The following RAPGEF6 variants were observed in gnomAD, a reference collection of about 807,000 sequenced individuals.
RAPGEF6 encodes the protein Rap guanine nucleotide exchange factor 6.
In RAPGEF6, 56 loss-of-function variants were observed where a neutral mutation model predicts 171.4. That is an observed-to-expected ratio of 0.33 (90% CI 0.26 to 0.41). The LOEUF (loss-of-function observed/expected upper bound fraction) is 0.41. Ranked by LOEUF, RAPGEF6 falls within the 10% of genes least tolerant of loss-of-function variation. RAPGEF6 has a pLI of 1.00. For synonymous variants in RAPGEF6, 692 were observed against 650.1 expected (o/e 1.06, Z -0.98); for missense variants, 1,674 against 1,921.4 (o/e 0.87, Z 2.41).
chr5:131,604,096 C>T (rs1764406380), intron 2 of RAPGEF6, among the ~76,000 whole-genome samples: 1 of 152,014 alleles, frequency 6.6e-6, no homozygotes, highest in Admixed American at 6.6e-5. Flanking sequence ...GTTTTCTCCA[C>T]AGGAGCTTAG....
At chr5:131,580,130 T>TG (rs34221007) in intron 4 of RAPGEF6, among the ~76,000 whole-genome samples, 3 of 151,996 alleles carry the variant, frequency 2.0e-5, no homozygotes, top group Non-Finnish European at 2.9e-5. Flanking sequence ...GAGCCCACTG[T>TG]GGGGGGGGGC....
rs74539524 is a variant in RAPGEF6 at position 131,565,127 on chromosome 5, A to T, written c.282-3080T>A. On this transcript the variant is annotated intron_variant, in intron 4 of 27. Transcript: ENST00000509018. ...TAGAACTACTGTTTATATAAAGTGA[A>T]TTCACTGTATATAAAGTGAATCCTA... Among the ~76,000 whole-genome samples the T allele has an allele frequency of 2.0e-5, 3 of 152,302 alleles. No individual in the cohort carries two copies. In the East Asian group the frequency reaches 5.8e-4, roughly 29 times the overall value.
At chr5:131,619,913 G>A (rs1765502967) in intron 1 of RAPGEF6, among the ~76,000 whole-genome samples, 1 of 152,154 alleles carries the variant, frequency 6.6e-6, no homozygotes, top group African/African-American at 2.4e-5. Flanking sequence ...TAATCTCTCT[G>A]TGATTCAATT....
chr5:131,497,106 T>A (rs542523085), intron 12 of RAPGEF6, among the ~76,000 whole-genome samples: 2 of 152,320 alleles, frequency 1.3e-5, no homozygotes, highest in East Asian at 3.9e-4. Flanking sequence ...AGGTTATGAC[T>A]GCATATCTCT....
chr5:131,613,367 G>C (rs1203878431), intron 1 of RAPGEF6, among the ~76,000 whole-genome samples: 1 of 152,058 alleles, frequency 6.6e-6, no homozygotes, highest in East Asian at 1.9e-4. Context: ...CTGAGATTGC[G>C]CCACTGCACT....
chr5:131,474,606 G>C (rs1385977620), intron 16 of RAPGEF6, among the ~76,000 whole-genome samples: 1 of 152,074 alleles, frequency 6.6e-6, no homozygotes, highest in African/African-American at 2.4e-5. Context: ...TAATTTGACA[G>C]ATAAAGCAAA....
intron 16 of RAPGEF6, among the ~76,000 whole-genome samples, chr5:131,477,397 C>G (rs1192242462): frequency 6.6e-6 from 1 of 152,138 alleles, no homozygotes; most frequent in African/African-American, 2.4e-5. Context: ...TATTCATAAC[C>G]AAGCATTTTC....
At chr5:131,504,528 G>T in intron 11 of RAPGEF6, 98 bp downstream of exon 11, 1 of 1,215,586 alleles carries the variant, frequency 8.2e-7, no homozygotes, top group Non-Finnish European at 1.1e-6. Context: ...AAGTGTTAAT[G>T]AATTATCTTG....
chr5:131,462,730 G>A (rs965407303), intron 18 of RAPGEF6, among the ~76,000 whole-genome samples: 1 of 152,182 alleles, frequency 6.6e-6, no homozygotes, highest in Non-Finnish European at 1.5e-5. Flanking sequence ...AAAAGTAAGA[G>A]ACAGGAAACA....
At chr5:131,523,369 A>G (rs1053534422) in intron 6 of RAPGEF6, among the ~76,000 whole-genome samples, 1 of 144,186 alleles carries the variant, frequency 6.9e-6, no homozygotes, top group African/African-American at 2.6e-5. Context: ...CATATAGCTC[A>G]CTGGTCAGAA....
At chr5:131,566,830 C>T (rs995578215) in intron 4 of RAPGEF6, among the ~76,000 whole-genome samples, 16 of 151,546 alleles carry the variant, frequency 1.1e-4, no homozygotes, top group African/African-American at 3.6e-4. Context: ...CTTTGTAGGC[C>T]GGGCGCGGTG....
intron 4 of RAPGEF6, among the ~76,000 whole-genome samples, chr5:131,579,166 G>C (rs946481542): frequency 6.6e-6 from 1 of 152,048 alleles, no homozygotes; most frequent in Non-Finnish European, 1.5e-5. Context: ...GGAGTTGTTC[G>C]CTCCTCCCGT....
chr5:131,481,286 T>C (rs1755464140), intron 15 of RAPGEF6, among the ~76,000 whole-genome samples: 1 of 151,852 alleles, frequency 6.6e-6, no homozygotes, highest in African/African-American at 2.4e-5. Flanking sequence ...AGTTCAGTGG[T>C]GTGATCAGGG....
chr5:131,572,927 T>C (rs924894142), intron 4 of RAPGEF6, among the ~76,000 whole-genome samples: 6 of 152,210 alleles, frequency 3.9e-5, no homozygotes, highest in Admixed American at 6.5e-5. Context: ...AAAACCTAGA[T>C]AATTTTTGTC....
intron 5 of RAPGEF6, 147 bp downstream of exon 5, chr5:131,561,831 T>C (rs1196069109): frequency 3.3e-6 from 2 of 599,716 alleles, no homozygotes; most frequent in Non-Finnish European, 5.8e-6. Flanking sequence ...CAGAAATAGA[T>C]AAACCTGGTA....
chr5:131,602,578 T>C (rs1764322605), intron 3 of RAPGEF6, among the ~76,000 whole-genome samples: 1 of 152,132 alleles, frequency 6.6e-6, no homozygotes. Flanking sequence ...CTGACCAACA[T>C]GGTAAAACCT....
At chr5:131,553,254 A>G (rs558158299) in intron 5 of RAPGEF6, among the ~76,000 whole-genome samples, 2 of 152,346 alleles carry the variant, frequency 1.3e-5, no homozygotes, top group African/African-American at 4.8e-5. Context: ...AAGTAACACT[A>G]AACAAATTTG....
rs559775427 is a variant in RAPGEF6, at chr5:131,458,224, G to A, written c.2865-2212C>T. The stretch of plus-strand genomic sequence containing the variant: ...ACATGTCAGGGGAAGGACGCAGTGG[G>A]AGGTGACTGGGTCATGGAGGCAGAT... On this transcript the variant is annotated intron_variant, in intron 19 of 27. Transcript: ENST00000509018. Among the ~76,000 whole-genome samples the A allele has an allele frequency of 5.3e-5, 8 of 152,300 alleles. No homozygotes were observed. The South Asian group carries it at 1.7e-3, about 32-fold the overall frequency.
chr5:131,493,018 G>A (rs935898910), intron 13 of RAPGEF6, among the ~76,000 whole-genome samples: 6 of 152,110 alleles, frequency 3.9e-5, no homozygotes, highest in Middle Eastern at 3.4e-3. Flanking sequence ...CTCATTTACA[G>A]AGACATGACA....
Sources: allele counts gnomAD v4.1 joint callset (sites outside exome capture counted in the v4.1 genomes callset), GRCh38; gene constraint gnomAD v4.1.1; transcripts MANE v1.5; gene names NCBI Gene and HGNC (gene_info 2026-07-23, HGNC 2026-07-21).